JARID2: variants seen among roughly 807,000 people sequenced by gnomAD.
The protein encoded by JARID2 is protein Jumonji.
JARID2 carries 21 observed loss-of-function variants against 125.6 expected under a neutral mutation model. That is an observed-to-expected ratio of 0.17 (90% CI 0.12 to 0.24). JARID2 has a LOEUF of 0.24. Ranked by LOEUF, JARID2 falls within the 10% of genes least tolerant of loss-of-function variation. JARID2 has a pLI of 1.00. For missense variants in JARID2, 1,303 were observed against 1,639.6 expected, an observed-to-expected ratio of 0.79 and a Z score of 3.55; for synonymous variants, 736 against 661.6, an observed-to-expected ratio of 1.11 and a Z score of -1.73.
In JARID2 at chr6:15,511,368, C is replaced by A; in HGVS notation, c.2919C>A (p.Thr973=). ...VVHTLLQANG[T]PGLQMLESNV... is the part of the protein sequence containing the mutation. ...ACACCCTGCTGCAAGCCAATGGCAC[C>A]CCAGGGCTGCAGATGCTGGAAAGCA... Residue 973 remains threonine (T), a synonymous_variant, in exon 13 of 18, where the codon ACC becomes ACA. Transcript: ENST00000341776. The A allele has an allele frequency of 6.2e-7, 1 of 1,613,802 alleles. No individual in the cohort carries two copies. The highest frequency in any genetic ancestry group is 8.5e-7 in the Non-Finnish European group (1 of 1,179,938).
intron 1 of JARID2, among the ~76,000 whole-genome samples, chr6:15,301,380 A>G (rs1308183840): frequency 1.3e-5 from 2 of 152,188 alleles, no homozygotes; most frequent in Non-Finnish European, 2.9e-5. Flanking sequence ...GCTTGAAATC[A>G]GTCATCAGTG....
Position 15,295,267 on chromosome 6 carries a change from GC to G in JARID2, c.45+48686del, listed in dbSNP as rs543568234. On this transcript the variant is annotated intron_variant, in intron 1 of 17. Coordinates refer to ENST00000341776, the MANE Select transcript of JARID2 (RefSeq NM_004973.4). ...CTCCCAAGTAGCTGGGACTACAGGC[GC>G]CCGCCAACACGCCCGGCTAATTTTT... is the stretch of plus-strand genomic sequence containing the variant. Among the ~76,000 whole-genome samples, 57 of 151,796 alleles carry G rather than the reference GC, an allele frequency of 3.8e-4. No individual in the cohort carries two copies. In the South Asian group the frequency reaches 0.012, roughly 31 times the overall value.
At chr6:15,399,218 T>A (rs1429340959) in intron 2 of JARID2, among the ~76,000 whole-genome samples, 1 of 152,128 alleles carries the variant, frequency 6.6e-6, no homozygotes, top group Non-Finnish European at 1.5e-5. Context: ...TTCTCCAGCC[T>A]TCTATGTTCT....
intron 4 of JARID2, among the ~76,000 whole-genome samples, chr6:15,461,112 G>T (rs534246559): frequency 3.9e-5 from 6 of 152,356 alleles, no homozygotes; most frequent in Non-Finnish European, 8.8e-5. Context: ...TATATTCAGT[G>T]AGATGAAGCG....
intron 1 of JARID2, among the ~76,000 whole-genome samples, chr6:15,343,085 C>G (rs1294067987): frequency 6.6e-6 from 1 of 151,980 alleles, no homozygotes; most frequent in African/African-American, 2.4e-5. Flanking sequence ...CAAAAATTAG[C>G]CGGGTGTGGT....
At chr6:15,330,387 C>T (rs1214321418) in intron 1 of JARID2, among the ~76,000 whole-genome samples, 2 of 152,240 alleles carry the variant, frequency 1.3e-5, no homozygotes, top group Non-Finnish European at 2.9e-5. Context: ...TTAAGTTGAT[C>T]CACTTGTGTG....
chr6:15,335,191 G>C (rs185227964), intron 1 of JARID2, among the ~76,000 whole-genome samples: 1 of 151,828 alleles, frequency 6.6e-6, no homozygotes, highest in Non-Finnish European at 1.5e-5. Flanking sequence ...CCTCCGTCTC[G>C]TGGCTTCAAG....
chr6:15,321,224 A>G (rs1197632723), intron 1 of JARID2, among the ~76,000 whole-genome samples: 2 of 152,168 alleles, frequency 1.3e-5, no homozygotes, highest in Non-Finnish European at 2.9e-5. Context: ...AATCAGTATA[A>G]TCATACACCT....
intron 16 of JARID2, 47 bp downstream of exon 16, chr6:15,513,469 C>G: frequency 2.0e-6 from 3 of 1,531,632 alleles, no homozygotes; most frequent in Non-Finnish European, 2.7e-6. Flanking sequence ...AGTGCTTGGC[C>G]TGAGAGCTCC....
At chr6:15,287,624 C>G (rs1053118377) in intron 1 of JARID2, among the ~76,000 whole-genome samples, 1 of 152,172 alleles carries the variant, frequency 6.6e-6, no homozygotes, top group Non-Finnish European at 1.5e-5. Flanking sequence ...TTTCCCTATT[C>G]AAGTTCACAG....
intron 1 of JARID2, among the ~76,000 whole-genome samples, chr6:15,372,732 C>A (rs556103175): frequency 4.6e-5 from 7 of 151,202 alleles, no homozygotes; most frequent in Non-Finnish European, 1.0e-4. Context: ...TTTTTTGAGA[C>A]TGAGTCTCAC....
chr6:15,390,223 G>C (rs1055382107), intron 2 of JARID2, among the ~76,000 whole-genome samples: 1 of 152,140 alleles, frequency 6.6e-6, no homozygotes, highest in African/African-American at 2.4e-5. Context: ...ATGTGAGTGC[G>C]CCATGGAGCT....
chr6:15,313,745 A>G (rs1762091065), intron 1 of JARID2, among the ~76,000 whole-genome samples: 1 of 152,194 alleles, frequency 6.6e-6, no homozygotes, highest in African/African-American at 2.4e-5. Context: ...TGTGGAGTTA[A>G]CTGCATTTTA....
intron 4 of JARID2, among the ~76,000 whole-genome samples, chr6:15,465,548 A>T (rs543668046): frequency 1.3e-5 from 2 of 152,044 alleles, no homozygotes; most frequent in Non-Finnish European, 2.9e-5. Flanking sequence ...ACATAAACTC[A>T]ATCCTCACCC....
At chr6:15,327,949 A>G (rs192884826) in intron 1 of JARID2, among the ~76,000 whole-genome samples, 24 of 152,282 alleles carry the variant, frequency 1.6e-4, no homozygotes, top group African/African-American at 5.8e-4. Context: ...CTCCACACAC[A>G]TTATACAGTA....
intron 2 of JARID2, among the ~76,000 whole-genome samples, chr6:15,380,443 G>A (rs56111601): frequency 0.025 from 3,870 of 152,236 alleles, 66 homozygotes; most frequent in South Asian, 0.053. Context: ...ATTGATAGAG[G>A]GTATCAAAAA....
chr6:15,362,362 G>A (rs1325362159), intron 1 of JARID2, among the ~76,000 whole-genome samples: 1 of 152,138 alleles, frequency 6.6e-6, no homozygotes, highest in African/African-American at 2.4e-5. Flanking sequence ...TTATTTCTAG[G>A]TGCCAACACA....
chr6:15,258,510 G>A (rs576711287), intron 1 of JARID2, among the ~76,000 whole-genome samples: 12 of 152,322 alleles, frequency 7.9e-5, no homozygotes, highest in South Asian at 2.1e-4. Flanking sequence ...ATAGCCGGAC[G>A]TGGTGGCTCA....
chr6:15,328,161 CT>C (rs1445962773), intron 1 of JARID2, among the ~76,000 whole-genome samples: 1 of 152,070 alleles, frequency 6.6e-6, no homozygotes, highest in Non-Finnish European at 1.5e-5. Context: ...GCTTGCAACA[CT>C]CCTGGAAGGG....
Sources: allele counts gnomAD v4.1 joint callset (sites outside exome capture counted in the v4.1 genomes callset), GRCh38; gene constraint gnomAD v4.1.1; transcripts MANE v1.5; gene names NCBI Gene and HGNC (gene_info 2026-07-23, HGNC 2026-07-21).